CENATAC: variants seen among roughly 807,000 people sequenced by gnomAD.
CENATAC encodes centrosomal AT-AC splicing factor, also known as coiled-coil domain containing 84.
Under a neutral mutation model 53.7 loss-of-function variants are expected in CENATAC, and 53 were observed. The ratio of observed to expected loss-of-function variants is 0.99; its 90% CI spans 0.79 to 1.24. The LOEUF is 1.24. CENATAC is among the 50% of genes most tolerant of loss of function. The pLI, the probability that CENATAC is intolerant of heterozygous loss-of-function variation, is 0.00. For missense variants in CENATAC, 474 were observed against 417.8 expected, an observed-to-expected ratio of 1.13 and a Z score of -1.17; for synonymous variants, 156 against 144.6, an observed-to-expected ratio of 1.08 and a Z score of -0.57.
chr11:119,008,108 G>T (rs1592065737), intron 3 of CENATAC, among the ~76,000 whole-genome samples: 1 of 152,108 alleles, frequency 6.6e-6, no homozygotes, highest in African/African-American at 2.4e-5. Flanking sequence ...TTATTGAAGG[G>T]GTGGCCTGCC....
In CENATAC at chr11:119,015,441, T is replaced by A. The variant is rs782530292; in HGVS notation, c.938+2T>A. The A allele has an allele frequency of 6.2e-7, 1 of 1,613,956 alleles. No individual in the cohort carries two copies. The highest frequency in any genetic ancestry group is 1.3e-5 in the African/African-American group (1 of 74,922). Reference sequence around the variant, plus strand: ...TAATGGACGCCGCTGGCAGTCCAGGTATGTGTGTTCAGTGCCGGGTCTCCA... The same window carrying A: ...TAATGGACGCCGCTGGCAGTCCAGGAATGTGTGTTCAGTGCCGGGTCTCCA... On this transcript the variant is annotated splice_donor_variant, in intron 10 of 10. Coordinates refer to ENST00000334418, the MANE Select transcript of CENATAC (RefSeq NM_198489.3). LOFTEE classifies it high-confidence loss of function.
chr11:119,005,073 G>GA (rs11403557), intron 3 of CENATAC, among the ~76,000 whole-genome samples: 43,610 of 149,532 alleles, frequency 0.29, 6,850 homozygotes, highest in African/African-American at 0.41. Context: ...AAAACAGCAA[G>GA]AAAAAAAAAG....
chr11:119,013,565 G>A (rs1455622470), intron 8 of CENATAC, among the ~76,000 whole-genome samples: 19 of 150,228 alleles, frequency 1.3e-4, no homozygotes, highest in East Asian at 3.9e-4. Flanking sequence ...CCGGGTTCAC[G>A]CCATTCTCCT....
At chr11:119,001,011 G>A (rs1297948613) in intron 3 of CENATAC, among the ~76,000 whole-genome samples, 2 of 152,058 alleles carry the variant, frequency 1.3e-5, no homozygotes, top group Non-Finnish European at 2.9e-5. Context: ...GCTTTTTCTT[G>A]TAATGTCATG....
rs546972064 is a variant in CENATAC at position 119,013,347 on chromosome 11, G to A, written c.715+85G>A. 96 of 1,003,088 alleles carry A rather than the reference G, an allele frequency of 9.6e-5. No individual in the cohort carries two copies. In the African/African-American group the frequency reaches 1.5e-3, roughly 16 times the overall value. The allele number at this position is 1,003,088 out of a possible 1,614,324, so 62.1% of individuals were successfully genotyped here. ...AGTCTTGTTCTGTCGCCAGGCTGGA[G>A]TGCAGTGGCGCAATCTCAGCTCGCT... On this transcript the variant is annotated intron_variant, in intron 8 of 10. Transcript: ENST00000334418.
At chr11:119,006,891 A>G (rs944281413) in intron 3 of CENATAC, among the ~76,000 whole-genome samples, 2 of 152,088 alleles carry the variant, frequency 1.3e-5, no homozygotes, top group African/African-American at 4.8e-5. Flanking sequence ...TTCCCCTTTC[A>G]CTTGGTTTTC....
chr11:119,014,843 G>T, intron 8 of CENATAC, 151 bp from the exon 9 acceptor site: 1 of 556,656 alleles, frequency 1.8e-6, no homozygotes, highest in East Asian at 3.0e-5. Context: ...CTTTAAATTA[G>T]CCTAGGGCCT....
At chr11:119,001,917 G>A (rs1383043869) in intron 3 of CENATAC, 1 of 258,402 alleles carries the variant, frequency 3.9e-6, no homozygotes, top group East Asian at 8.5e-5. Context: ...TTTTTTTTTA[G>A]AGAAGTTAAT....
At chr11:119,014,924 CAGCT>C (rs1327769486) in intron 8 of CENATAC, 66 bp from the exon 9 acceptor site, 15 of 1,035,070 alleles carry the variant, frequency 1.4e-5, no homozygotes, top group Non-Finnish European at 2.1e-5. Context: ...GGTAAGCTAA[CAGCT>C]AGGACATGTT....
chr11:118,998,414 G>C lies in CENATAC; in HGVS notation c.121-16G>C, dbSNP rs782753600. The C allele has an allele frequency of 1.2e-5, 20 of 1,612,760 alleles. No individual in the cohort carries two copies. The Admixed American group carries it at 1.7e-4, about 13-fold the overall frequency. Reference sequence around the variant, plus strand: ...GGGGGTCCCCCTCGGGGTTCTACTTGGCCTCTCTGCGGCAGGTGGAGGCGG... The same window carrying C: ...GGGGGTCCCCCTCGGGGTTCTACTTCGCCTCTCTGCGGCAGGTGGAGGCGG... On this transcript the variant is annotated splice_polypyrimidine_tract_variant and intron_variant, in intron 1 of 10. Coordinates refer to ENST00000334418, the MANE Select transcript of CENATAC (RefSeq NM_198489.3).
At chr11:119,013,115 G>A in intron 7 of CENATAC, 117 bp from the exon 8 acceptor site, 1 of 711,194 alleles carries the variant, frequency 1.4e-6, no homozygotes, top group South Asian at 1.8e-5. Context: ...AATTAGCATT[G>A]TGGCAGCAGT....
At chr11:119,002,854 C>T (rs532313396) in intron 3 of CENATAC, among the ~76,000 whole-genome samples, 1 of 152,028 alleles carries the variant, frequency 6.6e-6, no homozygotes, top group South Asian at 2.1e-4. Context: ...TGCGTGATCT[C>T]GGCTCACTGC....
In CENATAC at chr11:119,012,434, A is replaced by C. The variant is rs1942912962; in HGVS notation, c.684+180A>C. 3 of 614,098 alleles carry C rather than the reference A, an allele frequency of 4.9e-6. No individual in the cohort carries two copies. The Admixed American group carries it at 9.2e-5, about 19-fold the overall frequency. 38.0% of individuals were successfully genotyped at this position (614,098 alleles called of 1,614,324 possible). On this transcript the variant is annotated intron_variant, in intron 7 of 10. Transcript: ENST00000334418. ...CTCACCCTCCAAAGCGATCCTATTC[A>C]CATGTATTGACACTTAGGAGTGCCA...
At position 119,012,112 on chromosome 11, in the gene CENATAC, A is replaced by G. The variant is rs782164410; in HGVS notation, c.579-37A>G. 8 of 1,613,986 alleles carry G rather than the reference A, an allele frequency of 5.0e-6. No individual in the cohort carries two copies. The East Asian group carries it at 1.3e-4, about 27-fold the overall frequency. On this transcript the variant is annotated intron_variant, in intron 6 of 10. Coordinates refer to ENST00000334418, the MANE Select transcript of CENATAC (RefSeq NM_198489.3). ...CTAATCTTTACCACCCTCATGGCTC[A>G]AGGACCTCATCTGGCAGCCTGGCTC...
intron 3 of CENATAC, among the ~76,000 whole-genome samples, chr11:119,000,074 G>A (rs1942216627): frequency 6.6e-6 from 1 of 152,172 alleles, no homozygotes; most frequent in Non-Finnish European, 1.5e-5. Flanking sequence ...ACCATGCCTG[G>A]TCTCAATGAT....
chr11:119,002,954 T>G (rs928611642), intron 3 of CENATAC: 1 of 435,480 alleles, frequency 2.3e-6, no homozygotes, highest in South Asian at 1.8e-5. Context: ...CCTTGATAAT[T>G]TTTTTTTTAA....
chr11:119,011,845 C>T, intron 5 of CENATAC, 94 bp from the exon 6 acceptor site: 1 of 1,076,816 alleles, frequency 9.3e-7, no homozygotes, highest in South Asian at 1.3e-5. Flanking sequence ...AATTTGTTTC[C>T]TTCCTGTGAT....
intron 7 of CENATAC, 166 bp downstream of exon 7, chr11:119,012,420 A>G: frequency 1.5e-6 from 1 of 683,662 alleles, no homozygotes; most frequent in Non-Finnish European, 2.4e-6. Flanking sequence ...TCACCCTCCA[A>G]AGCGATCCTA....
intron 3 of CENATAC, among the ~76,000 whole-genome samples, chr11:119,006,479 G>A (rs1315496834): frequency 1.3e-5 from 2 of 151,474 alleles, no homozygotes; most frequent in African/African-American, 2.4e-5. Context: ...CTCGTGATCC[G>A]CCTGCCTCGG....
Sources: gnomAD v4.1 joint callset for allele counts (sites outside exome capture counted in the v4.1 genomes callset) on GRCh38, gnomAD v4.1.1 for gene constraint, MANE v1.5 for transcripts, NCBI Gene and HGNC (gene_info 2026-07-23, HGNC 2026-07-21) for gene names.